Variants in LGSN observed in about 807,000 individuals in gnomAD.
The protein encoded by LGSN is lengsin, lens protein with glutamine synthetase domain.
A neutral mutation model predicts 19.5 loss-of-function variants in LGSN; 21 were observed. The observed-to-expected ratio is 1.07, with a 90% CI of 0.76 to 1.55. The LOEUF is 1.55. Ranked by LOEUF, LGSN falls within the 40% of genes most tolerant of loss-of-function variation. The probability of loss-of-function intolerance (pLI) is 0.00; values close to 1 mark genes in which losing one functional copy is unlikely to be tolerated. For missense variants in LGSN, 673 were observed against 608.5 expected (o/e 1.11, Z -1.12); for synonymous variants, 257 against 215.6 (o/e 1.19, Z -1.68).
intron 2 of LGSN, among the ~76,000 whole-genome samples, chr6:63,288,226 C>CAAAAA (rs1358876693): frequency 1.1e-4 from 12 of 108,306 alleles, no homozygotes; most frequent in African/African-American, 3.6e-4. Context: ...GACTCCATCT[C>CAAAAA]AAAAAAATAA....
the LGSN span, among the ~76,000 whole-genome samples, chr6:63,470,086 G>A: frequency 6.6e-6 from 1 of 152,042 alleles, no homozygotes; most frequent in Non-Finnish European, 1.5e-5. Flanking sequence ...TGAAAGAAAG[G>A]AAAGAGAGAC....
At chr6:63,531,905 A>C in the LGSN span, among the ~76,000 whole-genome samples, 1 of 151,412 alleles carries the variant, frequency 6.6e-6, no homozygotes, top group African/African-American at 2.4e-5. Flanking sequence ...GGGTTCAAGC[A>C]ATTCTCTGCC....
At chr6:63,335,712 G>T in the LGSN span, among the ~76,000 whole-genome samples, 56 of 152,218 alleles carry the variant, frequency 3.7e-4, no homozygotes, top group African/African-American at 1.3e-3. Context: ...TACACTGTTA[G>T]TGGAAACGTA....
chr6:63,431,869 C>T, the LGSN span, among the ~76,000 whole-genome samples: 1 of 150,812 alleles, frequency 6.6e-6, no homozygotes, highest in Non-Finnish European at 1.5e-5. Flanking sequence ...GATTTCAAGA[C>T]CAGCCAGCCC....
intron 1 of LGSN, among the ~76,000 whole-genome samples, chr6:63,304,594 C>G (rs1314340359): frequency 2.0e-5 from 3 of 152,194 alleles, no homozygotes; most frequent in Non-Finnish European, 4.4e-5. Context: ...GACTTTTCAT[C>G]TGGCTTATTC....
In LGSN at chr6:63,280,589, A is replaced by T. The variant is rs751752607; in HGVS notation, c.962T>A (p.Val321Asp). 6.2e-7 allele frequency: 1 copy of T among 1,614,074 alleles called. No homozygotes were observed. Among genetic ancestry groups the T allele is most frequent in the Non-Finnish European group, 8.5e-7 (1 of 1,180,028 alleles). Residue 321 changes from valine (V) to aspartate (D), a missense_variant, in exon 4 of 4, where the codon GTC becomes GAC. By Grantham distance (152) the Val-to-Asp change is radical. Coordinates refer to ENST00000370657, the MANE Select transcript of LGSN (RefSeq NM_016571.3). ...GCAGAACATGTTTTTCTTCCTATCGACATCCCAGAGACTATGAGACAAAAT... is the reference window on the plus strand; with the variant it reads ...GCAGAACATGTTTTTCTTCCTATCGTCATCCCAGAGACTATGAGACAAAAT... Reference protein sequence around the residue: ...SGILSHSLWDVDRKKNMFCST... With the variant: ...SGILSHSLWDDDRKKNMFCST...
the LGSN span, among the ~76,000 whole-genome samples, chr6:63,358,868 T>C: frequency 6.6e-6 from 1 of 152,318 alleles, no homozygotes; most frequent in Non-Finnish European, 1.5e-5. Context: ...TCCAACACTA[T>C]GTTGAATAGG....
chr6:63,287,240 T>A (rs2127384305), intron 2 of LGSN, among the ~76,000 whole-genome samples: 1 of 152,342 alleles, frequency 6.6e-6, no homozygotes, highest in South Asian at 2.1e-4. Context: ...TCCGGAGGCT[T>A]TATAACTACC....
At chr6:63,387,368 G>A in the LGSN span, among the ~76,000 whole-genome samples, 1 of 152,038 alleles carries the variant, frequency 6.6e-6, no homozygotes, top group Admixed American at 6.5e-5. Context: ...AAACGACAGA[G>A]TATAACAACT....
the LGSN span, among the ~76,000 whole-genome samples, chr6:63,493,584 C>G: frequency 6.6e-6 from 1 of 152,206 alleles, no homozygotes; most frequent in Non-Finnish European, 1.5e-5. Flanking sequence ...TCCATCAGAT[C>G]TTGGGTCTCT....
At chr6:63,498,452 T>G in the LGSN span, among the ~76,000 whole-genome samples, 1 of 152,070 alleles carries the variant, frequency 6.6e-6, no homozygotes, top group Non-Finnish European at 1.5e-5. Context: ...TGCCAGGAGC[T>G]TATCTCTACC....
At chr6:63,567,061 A>G in the LGSN span, among the ~76,000 whole-genome samples, 1 of 152,130 alleles carries the variant, frequency 6.6e-6, no homozygotes, top group Non-Finnish European at 1.5e-5. Flanking sequence ...TCTAACTCCA[A>G]TTGTCTTGCT....
At chr6:63,310,553 A>G (rs1768585531) in intron 1 of LGSN, among the ~76,000 whole-genome samples, 1 of 152,140 alleles carries the variant, frequency 6.6e-6, no homozygotes, top group Non-Finnish European at 1.5e-5. Context: ...ATTAAAAGAT[A>G]AAAATATAAA....
At chr6:63,289,274 G>T (rs184824158) in intron 2 of LGSN, among the ~76,000 whole-genome samples, 45 of 152,240 alleles carry the variant, frequency 3.0e-4, no homozygotes, top group African/African-American at 1.1e-3. Context: ...CCTAAGCATC[G>T]ATTTTTCATT....
chr6:63,522,861 ACT>A, the LGSN span, among the ~76,000 whole-genome samples: 8 of 132,524 alleles, frequency 6.0e-5, no homozygotes, highest in Admixed American at 6.6e-4. Context: ...AGACTAAATC[ACT>A]TTTTTTTTTT....
the LGSN span, among the ~76,000 whole-genome samples, chr6:63,327,506 C>T: frequency 2.0e-5 from 3 of 152,170 alleles, no homozygotes; most frequent in Admixed American, 6.5e-5. Flanking sequence ...GTGCAGAGTC[C>T]TCCTTTCTCA....
chr6:63,533,832 T>TTAAA, the LGSN span, among the ~76,000 whole-genome samples: 13 of 149,882 alleles, frequency 8.7e-5, no homozygotes, highest in South Asian at 2.1e-4. Context: ...AACAAACTTT[T>TTAAA]TTAATTAATT....
At chr6:63,486,895 G>A in the LGSN span, among the ~76,000 whole-genome samples, 2 of 151,328 alleles carry the variant, frequency 1.3e-5, no homozygotes, top group African/African-American at 4.9e-5. Flanking sequence ...GAGTGCAGTG[G>A]TGCAATCTTA....
chr6:63,362,992 G>A, the LGSN span, among the ~76,000 whole-genome samples: 10 of 152,276 alleles, frequency 6.6e-5, no homozygotes, highest in South Asian at 2.1e-4. Context: ...CCTCTGAGAC[G>A]AAGCTTCCAG....
Sources: gnomAD v4.1 joint callset for allele counts (sites outside exome capture counted in the v4.1 genomes callset) on GRCh38, gnomAD v4.1.1 for gene constraint, MANE v1.5 for transcripts, NCBI Gene and HGNC (gene_info 2026-07-23, HGNC 2026-07-21) for gene names.